Variants in SORCS3 observed in about 807,000 individuals in gnomAD.
SORCS3 encodes sortilin related VPS10 domain containing receptor 3.
A neutral mutation model predicts 146.3 loss-of-function variants in SORCS3; 57 were observed. The observed-to-expected ratio is 0.39, with a 90% CI of 0.31 to 0.49. The LOEUF (loss-of-function observed/expected upper bound fraction) is 0.49. Among genes scored for constraint, SORCS3 ranks in the 20% least tolerant of loss-of-function variants. The pLI, the probability that SORCS3 is intolerant of heterozygous loss-of-function variation, is 0.92. For missense variants in SORCS3, 1,341 were observed against 1,575.5 expected (o/e 0.85, Z 2.52); for synonymous variants, 653 against 618.5 (o/e 1.06, Z -0.83).
At chr10:104,705,625 C>T (rs1308107504) in intron 1 of SORCS3, among the ~76,000 whole-genome samples, 2 of 152,126 alleles carry the variant, frequency 1.3e-5, no homozygotes, top group Non-Finnish European at 2.9e-5. Flanking sequence ...CTCCTGTAAA[C>T]ACATACCTCA....
chr10:104,915,090 A>G (rs1032917912), intron 2 of SORCS3, among the ~76,000 whole-genome samples: 2 of 152,022 alleles, frequency 1.3e-5, no homozygotes, highest in African/African-American at 4.8e-5. Flanking sequence ...TCCCTCCTCC[A>G]CCATGGAAGG....
At chr10:104,907,772 A>AC (rs1324084928) in intron 2 of SORCS3, among the ~76,000 whole-genome samples, 12 of 152,254 alleles carry the variant, frequency 7.9e-5, no homozygotes, top group African/African-American at 2.9e-4. Flanking sequence ...AAGCTTCTGC[A>AC]CTGGCATCAA....
chr10:104,987,109 ATATATAT>A (rs1243231249), intron 4 of SORCS3, among the ~76,000 whole-genome samples: 2 of 152,126 alleles, frequency 1.3e-5, no homozygotes, highest in Non-Finnish European at 2.9e-5. Context: ...TGCGTACATA[ATATATAT>A]TAAGACATAC....
intron 6 of SORCS3, among the ~76,000 whole-genome samples, chr10:105,102,710 G>T (rs1272703634): frequency 6.7e-6 from 1 of 149,778 alleles, no homozygotes; most frequent in Non-Finnish European, 1.5e-5. Context: ...TGGCTCCTGG[G>T]TTTCATTTGG....
chr10:104,739,315 G>A (rs192888589), intron 1 of SORCS3, among the ~76,000 whole-genome samples: 22 of 152,284 alleles, frequency 1.4e-4, no homozygotes, highest in Admixed American at 4.6e-4. Context: ...CTTCAAAATA[G>A]GTCAGGCAAA....
chr10:105,139,640 G>A (rs1205893673), intron 8 of SORCS3, among the ~76,000 whole-genome samples, 154 bp downstream of exon 8: 1 of 152,126 alleles, frequency 6.6e-6, no homozygotes, highest in African/African-American at 2.4e-5. Context: ...TCCCTTAGTG[G>A]TGCACAACCT....
intron 1 of SORCS3, among the ~76,000 whole-genome samples, chr10:104,807,123 G>C (rs1034747988): frequency 1.3e-5 from 2 of 151,744 alleles, no homozygotes; most frequent in East Asian, 3.9e-4. Flanking sequence ...GACCCTTGTG[G>C]ACTGTTGCTT....
chr10:105,203,455 A>G (rs1159529509), intron 16 of SORCS3, among the ~76,000 whole-genome samples: 1 of 152,178 alleles, frequency 6.6e-6, no homozygotes, highest in African/African-American at 2.4e-5. Context: ...GTCCTTCTGC[A>G]GACTAACTCC....
At chr10:105,023,674 G>T (rs1174078427) in intron 4 of SORCS3, among the ~76,000 whole-genome samples, 1 of 152,100 alleles carries the variant, frequency 6.6e-6, no homozygotes, top group African/African-American at 2.4e-5. Flanking sequence ...TGTAATTGAG[G>T]CTGCCTTTCT....
In SORCS3 at chr10:104,641,296, T is replaced by A. The variant is rs2015410332; in HGVS notation, c.-32T>A. On this transcript the variant is annotated 5_prime_UTR_variant, in exon 1 of 27. Transcript: ENST00000369701. This position sits in a 1 kb window ranked among gnomAD's most constrained non-coding sequence, Gnocchi z 6.4. ...CCGCACCTCGGCGGGCGCCACACACTCGGCAGCCCGAGCCGCGGTAGCCGC... is the reference window on the plus strand; with the variant it reads ...CCGCACCTCGGCGGGCGCCACACACACGGCAGCCCGAGCCGCGGTAGCCGC... The A allele has an allele frequency of 1.4e-5, 17 of 1,253,198 alleles. No homozygotes were observed. The highest frequency in any genetic ancestry group is 1.6e-5 in the Non-Finnish European group (16 of 1,001,642). 77.6% of individuals were successfully genotyped at this position (1,253,198 alleles called of 1,614,324 possible).
chr10:104,674,994 G>C (rs1028694178), intron 1 of SORCS3, among the ~76,000 whole-genome samples: 1 of 152,076 alleles, frequency 6.6e-6, no homozygotes, highest in Non-Finnish European at 1.5e-5. Flanking sequence ...TATACCCAAG[G>C]GTAGACTAGC....
intron 4 of SORCS3, among the ~76,000 whole-genome samples, chr10:105,006,619 T>G (rs1212732506): frequency 6.6e-6 from 1 of 152,220 alleles, no homozygotes; most frequent in Non-Finnish European, 1.5e-5. Context: ...TCCACTTCTC[T>G]CTGCCATTGC....
intron 4 of SORCS3, among the ~76,000 whole-genome samples, chr10:104,985,738 T>C (rs1323455776): frequency 2.0e-5 from 3 of 152,192 alleles, no homozygotes; most frequent in African/African-American, 7.2e-5. Context: ...TAACAATCTA[T>C]TTGTAAATCT....
rs866742934 is a variant in SORCS3, at chr10:105,134,058, T to A, written c.1213-5339T>A. ...CATGCATGTCAATTACAGAGATTTT[T>A]AAAAAGTTTTTCACAAAAGATGTTG... On this transcript the variant is annotated intron_variant, in intron 7 of 26. Coordinates refer to ENST00000369701, the MANE Select transcript of SORCS3 (RefSeq NM_014978.3). 7.9e-5 allele frequency among the ~76,000 whole-genome samples: 12 copies of A among 152,206 alleles called. No homozygotes were observed. In the South Asian group the frequency reaches 2.3e-3, roughly 29 times the overall value.
chr10:104,788,425 A>C (rs2017461825), intron 1 of SORCS3, among the ~76,000 whole-genome samples: 3 of 152,192 alleles, frequency 2.0e-5, no homozygotes, highest in African/African-American at 7.2e-5. Flanking sequence ...AAGGAAAAAA[A>C]ATACGGTGCA....
rs767739123 is a variant in SORCS3, at chr10:104,915,824, T to C, written c.696-9T>C. 1 of 1,613,472 alleles carries C rather than the reference T, an allele frequency of 6.2e-7. No individual in the cohort carries two copies. Among genetic ancestry groups the C allele is most frequent in the Non-Finnish European group, 8.5e-7 (1 of 1,179,420 alleles). ...ATCTCTCCCTCTCTGTTTTCTCTTT[T>C]ACCTGCAGGTCGACAGATTATGGCA... On this transcript the variant is annotated splice_polypyrimidine_tract_variant and intron_variant, in intron 2 of 26. Coordinates refer to ENST00000369701, the MANE Select transcript of SORCS3 (RefSeq NM_014978.3).
At chr10:105,004,212 G>A (rs2055079481) in intron 4 of SORCS3, among the ~76,000 whole-genome samples, 1 of 152,178 alleles carries the variant, frequency 6.6e-6, no homozygotes, top group South Asian at 2.1e-4. Flanking sequence ...GAGCAGGATG[G>A]ACAGAGAAGG....
rs12572698 is a variant in SORCS3 at position 105,087,514 on chromosome 10, C to T, written c.1029-2261C>T. Among the ~76,000 whole-genome samples, 17 of 147,672 alleles carry T rather than the reference C, an allele frequency of 1.2e-4. No individual in the cohort carries two copies. In the East Asian group the frequency reaches 2.6e-3, roughly 22 times the overall value. ...AAAAAAAAAAAAGAAAGAAAGAAAC[C>T]GGGTGGCTTCAGAACAAATAAAGTA... is the stretch of plus-strand genomic sequence containing the variant. On this transcript the variant is annotated intron_variant, in intron 5 of 26. Transcript: ENST00000369701.
At chr10:104,971,867 A>G (rs2054862475) in intron 3 of SORCS3, among the ~76,000 whole-genome samples, 1 of 152,200 alleles carries the variant, frequency 6.6e-6, no homozygotes, top group East Asian at 1.9e-4. Context: ...CCCCTGGAAG[A>G]GAATGTTTCA....
Sources: allele counts gnomAD v4.1 joint callset (sites outside exome capture counted in the v4.1 genomes callset), GRCh38; gene constraint gnomAD v4.1.1; non-coding constraint Gnocchi (gnomAD v3.1); transcripts MANE v1.5; gene names NCBI Gene and HGNC (gene_info 2026-07-23, HGNC 2026-07-21).